The following DUSP16 variants were observed in gnomAD, a reference collection of about 807,000 sequenced individuals.
DUSP16 encodes the protein dual specificity protein phosphatase 16.
In DUSP16, 21 loss-of-function variants were observed where a neutral mutation model predicts 58.3. The ratio of observed to expected loss-of-function variants is 0.36; its 90% CI spans 0.26 to 0.52. DUSP16 has a LOEUF of 0.52. Ranked by LOEUF, DUSP16 falls within the 20% of genes least tolerant of loss-of-function variation. DUSP16 has a pLI of 0.94. For synonymous variants in DUSP16, 320 were observed against 323.8 expected (o/e 0.99, Z 0.12); for missense variants, 726 against 819.0 (o/e 0.89, Z 1.39).
In DUSP16 at chr12:12,516,472, C is replaced by T. The variant is rs115072031; in HGVS notation, c.367+3390G>A. Reference sequence around the variant, plus strand: ...TTCTCAATTAACATGAATTCAAGGACTTGCGTATTCCTATGAGTGGAGCTA... The same window carrying T: ...TTCTCAATTAACATGAATTCAAGGATTTGCGTATTCCTATGAGTGGAGCTA... On this transcript the variant is annotated intron_variant, in intron 3 of 6. Coordinates refer to ENST00000298573, the MANE Select transcript of DUSP16 (RefSeq NM_030640.3). Among the ~76,000 whole-genome samples the T allele has an allele frequency of 3.5e-3, 530 of 152,302 alleles. 3 individuals are homozygous for T. The highest frequency in any genetic ancestry group is 0.012 in the African/African-American group (496 of 41,558).
intron 5 of DUSP16, chr12:12,485,535 AGGGTCTGG>A (rs1943666366): frequency 6.6e-6 from 1 of 152,126 alleles, no homozygotes; most frequent in Non-Finnish European, 1.5e-5. Flanking sequence ...TTTTTGAGAC[AGGGTCTGG>A]CTCTACTGCC....
chr12:12,519,457 A>C (rs1194934064), intron 3 of DUSP16, among the ~76,000 whole-genome samples: 1 of 152,230 alleles, frequency 6.6e-6, no homozygotes, highest in African/African-American at 2.4e-5. Flanking sequence ...AATGTTAAGT[A>C]AGAGTTTGAC....
chr12:12,522,324 G>A (rs1369372823), intron 1 of DUSP16, among the ~76,000 whole-genome samples: 1 of 152,174 alleles, frequency 6.6e-6, no homozygotes. Context: ...GGAACTCTAA[G>A]TTGGCAACCC....
intron 1 of DUSP16, among the ~76,000 whole-genome samples, chr12:12,548,536 G>A (rs539601468): frequency 2.0e-5 from 3 of 146,706 alleles, no homozygotes; most frequent in East Asian, 4.1e-4. Context: ...GGAAGCTGAG[G>A]AAAGAGAATC....
chr12:12,545,692 C>T (rs1277657235), intron 1 of DUSP16, among the ~76,000 whole-genome samples: 2 of 152,176 alleles, frequency 1.3e-5, no homozygotes, highest in Admixed American at 1.3e-4. Context: ...ATGTAACCAT[C>T]ACCACAATCA....
At chr12:12,548,860 G>C (rs1401499117) in intron 1 of DUSP16, among the ~76,000 whole-genome samples, 1 of 151,876 alleles carries the variant, frequency 6.6e-6, no homozygotes, top group Non-Finnish European at 1.5e-5. Context: ...GAGAAAAGGG[G>C]AAATCATCAG....
In DUSP16 at chr12:12,474,267, AC is replaced by A. The variant is rs1446427768; in HGVS notation, c.*2565del. On this transcript the variant is annotated 3_prime_UTR_variant, in exon 7 of 7. Transcript: ENST00000298573. ...TTTTGATTTTATTTAATCATTTCAT[AC>A]ATTAACATACATGACACATCAAAAT... The A allele has an allele frequency of 6.6e-6, 1 of 152,246 alleles. No homozygotes were observed. Among genetic ancestry groups the A allele is most frequent in the African/African-American group, 2.4e-5 (1 of 41,458 alleles). 9.4% of individuals were successfully genotyped at this position (152,246 alleles called of 1,614,324 possible). A position where few individuals can be genotyped will look rare whatever the true frequency, so the allele number is the denominator to read the frequency against.
At chr12:12,529,570 A>AT (rs1944355701) in intron 1 of DUSP16, among the ~76,000 whole-genome samples, 1 of 152,118 alleles carries the variant, frequency 6.6e-6, no homozygotes, top group South Asian at 2.1e-4. Flanking sequence ...CACTCCTTGA[A>AT]TTTTTCAGGA....
intron 3 of DUSP16, among the ~76,000 whole-genome samples, chr12:12,513,571 G>C (rs1944107310): frequency 2.0e-5 from 3 of 152,156 alleles, no homozygotes; most frequent in African/African-American, 7.2e-5. Flanking sequence ...ATTTGTAAAT[G>C]AAAGGGCTGA....
At chr12:12,557,568 ATT>A (rs560753785) in intron 1 of DUSP16, among the ~76,000 whole-genome samples, 2 of 151,998 alleles carry the variant, frequency 1.3e-5, no homozygotes, top group Non-Finnish European at 2.9e-5. Context: ...TAATGTGTAG[ATT>A]TTTATTCAAA....
chr12:12,533,876 A>C lies in DUSP16; in HGVS notation c.-365-12413T>G, dbSNP rs537617275. Among the ~76,000 whole-genome samples the C allele has an allele frequency of 2.0e-5, 3 of 152,314 alleles. No individual in the cohort carries two copies. The East Asian group carries it at 5.8e-4, about 29-fold the overall frequency. ...AGGAATTCAGTGATCACTAATATCT[A>C]AAGATTATTTCACTTAGAACAAAAA... On this transcript the variant is annotated intron_variant, in intron 1 of 6. Transcript: ENST00000298573.
chr12:12,520,361 T>C (rs1043172490), intron 2 of DUSP16, among the ~76,000 whole-genome samples: 1 of 152,196 alleles, frequency 6.6e-6, no homozygotes, highest in Non-Finnish European at 1.5e-5. Flanking sequence ...CAGTTGTTTA[T>C]TTAAATTAAA....
Position 12,473,783 on chromosome 12 carries a change from G to C in DUSP16, c.*3050C>G, listed in dbSNP as rs1434075548. 6.6e-6 allele frequency among the ~76,000 whole-genome samples: 1 copy of C among 152,184 alleles called. No homozygotes were observed. Among genetic ancestry groups the C allele is most frequent in the Non-Finnish European group, 1.5e-5 (1 of 68,040 alleles). On this transcript the variant is annotated 3_prime_UTR_variant, in exon 7 of 7. Coordinates refer to ENST00000298573, the MANE Select transcript of DUSP16 (RefSeq NM_030640.3). ...TCATGAGCAGAGAGGTTGTTGAGATGTATGTGGCAAGGACAAAGGACAGCT... is the reference window on the plus strand; with the variant it reads ...TCATGAGCAGAGAGGTTGTTGAGATCTATGTGGCAAGGACAAAGGACAGCT...
Position 12,503,746 on chromosome 12 carries a change from AT to A in DUSP16, c.368-3065del, listed in dbSNP as rs767306819. Among the ~76,000 whole-genome samples the A allele has an allele frequency of 1.0e-3, 156 of 152,234 alleles. 2 individuals carry two copies. Among genetic ancestry groups the A allele is most frequent in the Non-Finnish European group, 6.6e-4 (45 of 68,044 alleles). ...TAGCTCCCTGGCAGAGTCAGAGCAC[AT>A]GTTAACTTACTAAAGGTTCTAAAAA... On this transcript the variant is annotated intron_variant, in intron 3 of 6. Coordinates refer to ENST00000298573, the MANE Select transcript of DUSP16 (RefSeq NM_030640.3).
intron 6 of DUSP16, among the ~76,000 whole-genome samples, 185 bp from the exon 7 acceptor site, chr12:12,478,200 C>A (rs1943495448): frequency 6.6e-6 from 1 of 152,140 alleles, no homozygotes; most frequent in South Asian, 2.1e-4. Flanking sequence ...ACTGGGGAAG[C>A]TTTGCACACA....
At chr12:12,492,451 C>T (rs1485499947) in intron 4 of DUSP16, among the ~76,000 whole-genome samples, 2 of 152,100 alleles carry the variant, frequency 1.3e-5, no homozygotes, top group African/African-American at 4.8e-5. Context: ...CTCGTAAGGC[C>T]AATCCCTCCG....
At chr12:12,536,998 C>G (rs1438891524) in intron 1 of DUSP16, among the ~76,000 whole-genome samples, 1 of 151,946 alleles carries the variant, frequency 6.6e-6, no homozygotes, top group Admixed American at 6.6e-5. Context: ...AAGATCACGC[C>G]ACTGCACTCT....
chr12:12,543,664 A>G (rs895878721), intron 1 of DUSP16, among the ~76,000 whole-genome samples: 21 of 152,302 alleles, frequency 1.4e-4, no homozygotes, highest in Non-Finnish European at 2.5e-4. Context: ...AGTATACCAT[A>G]TGGACATGTA....
At chr12:12,551,982 G>A (rs973310028) in intron 1 of DUSP16, among the ~76,000 whole-genome samples, 1 of 152,154 alleles carries the variant, frequency 6.6e-6, no homozygotes, top group Non-Finnish European at 1.5e-5. Flanking sequence ...GTAAGCCACT[G>A]TGCCCAGTCA....
Sources: allele counts gnomAD v4.1 joint callset (sites outside exome capture counted in the v4.1 genomes callset), GRCh38; gene constraint gnomAD v4.1.1; transcripts MANE v1.5; gene names NCBI Gene and HGNC (gene_info 2026-07-23, HGNC 2026-07-21).